Variants in ADGRG6 observed in about 807,000 individuals in gnomAD.
ADGRG6 encodes G-protein coupled receptor 126.
In ADGRG6, 84 loss-of-function variants were observed where a neutral mutation model predicts 142.4. The observed-to-expected ratio is 0.59, with a 90% confidence interval of 0.49 to 0.71. The LOEUF is 0.71. Ranked by LOEUF, ADGRG6 falls within the 30% of genes least tolerant of loss-of-function variation. The pLI is 0.00. For synonymous variants in ADGRG6, 521 were observed against 520.5 expected (o/e 1.00, Z -0.01); for missense variants, 1,367 against 1,466.6 (o/e 0.93, Z 1.11).
chr6:142,366,917 C>G (rs904774553), intron 2 of ADGRG6, among the ~76,000 whole-genome samples: 2 of 152,034 alleles, frequency 1.3e-5, no homozygotes, highest in African/African-American at 4.8e-5. Context: ...TAATTACCAA[C>G]TGTGACAAAC....
Position 142,397,697 on chromosome 6 carries a change from A to G in ADGRG6, c.1509A>G (p.Lys503=). ...AAATCATTCAGCAGAAGCTCCTAAA[A>G]AATAATGAGTCCTTGGATGAAGGCT... ...EGKIIQQKLL[K]NNESLDEGLR... The change falls in exon 10 of 25, where the codon AAA becomes AAG. Residue 503 remains lysine (K), a synonymous_variant. Transcript: ENST00000367609. The G allele has an allele frequency of 6.2e-7, 1 of 1,609,032 alleles. No homozygotes were observed. Among genetic ancestry groups the G allele is most frequent in the Non-Finnish European group, 8.5e-7 (1 of 1,177,274 alleles).
At chr6:142,371,921 C>G (rs1781279825) in intron 4 of ADGRG6, among the ~76,000 whole-genome samples, 1 of 152,184 alleles carries the variant, frequency 6.6e-6, no homozygotes, top group Admixed American at 6.5e-5. Context: ...GTTTAAATAT[C>G]AAAACTGTCC....
At chr6:142,333,934 C>G (rs1352809289) in intron 2 of ADGRG6, among the ~76,000 whole-genome samples, 2 of 152,188 alleles carry the variant, frequency 1.3e-5, no homozygotes, top group Non-Finnish European at 2.9e-5. Flanking sequence ...CTTGTCCACA[C>G]TGTCATTGCT....
At chr6:142,346,358 G>A (rs1002389245) in intron 2 of ADGRG6, among the ~76,000 whole-genome samples, 2 of 152,134 alleles carry the variant, frequency 1.3e-5, no homozygotes, top group Non-Finnish European at 2.9e-5. Flanking sequence ...TGCGTGAGAT[G>A]TTATCTCACT....
chr6:142,357,224 C>T (rs551696017), intron 2 of ADGRG6, among the ~76,000 whole-genome samples: 90 of 152,198 alleles, frequency 5.9e-4, no homozygotes, highest in African/African-American at 2.1e-3. Context: ...AAATTAAGAT[C>T]ATCTGTTTCT....
chr6:142,366,270 C>A (rs1426388546), intron 2 of ADGRG6, among the ~76,000 whole-genome samples: 1 of 152,134 alleles, frequency 6.6e-6, no homozygotes, highest in Non-Finnish European at 1.5e-5. Context: ...TTATTGTGAA[C>A]CTTATACTGA....
chr6:142,424,746 T>G (rs7753012), intron 22 of ADGRG6, among the ~76,000 whole-genome samples: 75,838 of 152,012 alleles, frequency 0.5, 23,605 homozygotes, highest in African/African-American at 0.87. Flanking sequence ...TTCTCTTTTT[T>G]ATATTTGTCA....
In ADGRG6 at chr6:142,445,494, C is replaced by A. The variant is rs1005029680; in HGVS notation, c.*1979C>A. The stretch of plus-strand genomic sequence containing the variant: ...CAGATTTCTGCCCAAAGTGCTTAGT[C>A]AATAGTAATTAAGATATAGCTTCAA... On this transcript the variant is annotated 3_prime_UTR_variant, in exon 25 of 25. Coordinates refer to ENST00000367609, the MANE Select transcript of ADGRG6 (RefSeq NM_198569.3). 6.6e-6 allele frequency: 1 copy of A among 152,112 alleles called. No individual in the cohort carries two copies. The highest frequency in any genetic ancestry group is 2.4e-5 in the African/African-American group (1 of 41,420). 9.4% of individuals were successfully genotyped at this position (152,112 alleles called of 1,614,324 possible). A position where few individuals can be genotyped will look rare whatever the true frequency, so the allele number is the denominator to read the frequency against.
chr6:142,310,634 A>G (rs1421615020), intron 2 of ADGRG6, among the ~76,000 whole-genome samples: 3 of 151,792 alleles, frequency 2.0e-5, no homozygotes, highest in African/African-American at 4.8e-5. Context: ...GAGATGTGAA[A>G]ACTTTTTTTT....
At chr6:142,420,922 A>G (rs1776628858) in intron 22 of ADGRG6, among the ~76,000 whole-genome samples, 1 of 152,182 alleles carries the variant, frequency 6.6e-6, no homozygotes, top group South Asian at 2.1e-4. Flanking sequence ...CCAACACTCT[A>G]AAAGAAATTA....
chr6:142,370,853 T>A, intron 4 of ADGRG6, 60 bp downstream of exon 4: 1 of 1,526,732 alleles, frequency 6.5e-7, no homozygotes, highest in South Asian at 1.2e-5. Context: ...TGAATATGAT[T>A]GTCAACAAAG....
chr6:142,338,013 C>CTTTTTTTTTTTTTTTTTTTTTTTTT (rs1779405902), intron 2 of ADGRG6, among the ~76,000 whole-genome samples: 4 of 26,078 alleles, frequency 1.5e-4, no homozygotes, highest in Admixed American at 4.7e-4. Context: ...TGCCTTGTAT[C>CTTTTTTTTTTTTTTTTTTTTTTTTT]TTTGTTTTTT....
intron 2 of ADGRG6, among the ~76,000 whole-genome samples, chr6:142,321,820 AT>A (rs1448903361): frequency 6.6e-6 from 1 of 152,082 alleles, no homozygotes; most frequent in Non-Finnish European, 1.5e-5. Flanking sequence ...AAATCTGTGC[AT>A]TTTTTTCTAT....
chr6:142,379,225 C>T (rs1458209743), intron 4 of ADGRG6, among the ~76,000 whole-genome samples: 3 of 152,136 alleles, frequency 2.0e-5, no homozygotes, highest in East Asian at 1.9e-4. Context: ...ATTAGCAAAA[C>T]GTCCTCTATT....
At chr6:142,393,275 A>T (rs1775001066) in intron 8 of ADGRG6, among the ~76,000 whole-genome samples, 2 of 152,142 alleles carry the variant, frequency 1.3e-5, no homozygotes, top group Admixed American at 1.3e-4. Context: ...ATAATTAAAT[A>T]TAAATAGAAG....
chr6:142,319,836 G>A (rs574116697), intron 2 of ADGRG6, among the ~76,000 whole-genome samples: 1 of 152,040 alleles, frequency 6.6e-6, no homozygotes, highest in Admixed American at 6.6e-5. Context: ...CTTGAATTGG[G>A]AACTTTGGGC....
At chr6:142,377,806 A>C (rs1179036871) in intron 4 of ADGRG6, among the ~76,000 whole-genome samples, 1 of 152,144 alleles carries the variant, frequency 6.6e-6, no homozygotes, top group Non-Finnish European at 1.5e-5. Context: ...GTTTGTATAT[A>C]CTTTTGATAG....
At chr6:142,387,381 T>C (rs1034102725) in intron 6 of ADGRG6, among the ~76,000 whole-genome samples, 1 of 152,202 alleles carries the variant, frequency 6.6e-6, no homozygotes, top group Non-Finnish European at 1.5e-5. Flanking sequence ...TAACACTGCT[T>C]CCAGTTTCTC....
chr6:142,422,494 T>G (rs1470511320), intron 22 of ADGRG6, among the ~76,000 whole-genome samples: 1 of 152,234 alleles, frequency 6.6e-6, no homozygotes, highest in Non-Finnish European at 1.5e-5. Context: ...GGACACGAAC[T>G]CATCATTTTT....
Sources: gnomAD v4.1 joint callset for allele counts (sites outside exome capture counted in the v4.1 genomes callset) on GRCh38, gnomAD v4.1.1 for gene constraint, MANE v1.5 for transcripts, NCBI Gene and HGNC (gene_info 2026-07-23, HGNC 2026-07-21) for gene names.